ETFB: variants seen among roughly 807,000 people sequenced by gnomAD.
ETFB encodes the protein electron transfer flavoprotein subunit beta, also known as beta-ETF.
Under a neutral mutation model 25.6 loss-of-function variants are expected in ETFB, and 20 were observed. The ratio of observed to expected loss-of-function variants is 0.78; its 90% confidence interval spans 0.55 to 1.14. ETFB has a LOEUF of 1.14. ETFB is among the 50% of genes most tolerant of loss of function. The probability of loss-of-function intolerance (pLI) is 0.00; values close to 1 mark genes in which losing one functional copy is unlikely to be tolerated. For missense variants in ETFB, 286 were observed against 342.6 expected (o/e 0.83, Z 1.30); for synonymous variants, 142 against 146.7 (o/e 0.97, Z 0.23).
At chr19:51,346,794 A>T (rs1985794804) in intron 5 of ETFB, 106 bp downstream of exon 5, 1 of 1,146,504 alleles carries the variant, frequency 8.7e-7, no homozygotes, top group Non-Finnish European at 1.2e-6. Flanking sequence ...TGTGCACGAG[A>T]CCTCCTTTGG....
chr19:51,349,664 C>T (rs1398034094), intron 4 of ETFB, among the ~76,000 whole-genome samples: 2 of 151,886 alleles, frequency 1.3e-5, no homozygotes, highest in African/African-American at 2.4e-5. Context: ...AGGCTGGTCT[C>T]GAACTCCTGG....
chr19:51,358,166 C>A (rs1986128562), intron 1 of ETFB, among the ~76,000 whole-genome samples: 1 of 152,222 alleles, frequency 6.6e-6, no homozygotes, highest in East Asian at 1.9e-4. Context: ...TGGCCGCCAC[C>A]CAGGGCTTGG....
chr19:51,350,474 C>T lies in ETFB; in HGVS notation c.376-83G>A, dbSNP rs143067207. The T allele has an allele frequency of 2.4e-5, 18 of 760,944 alleles. No homozygotes were observed. The East Asian group carries it at 4.7e-4, about 20-fold the overall frequency. 47.1% of individuals were successfully genotyped at this position (760,944 alleles called of 1,614,324 possible). ...GGCCTCTGTCTAGAACAGGGGTTGG[C>T]AAACTTTTTCTTTCTTTTTTTTCTT... is the stretch of plus-strand genomic sequence containing the variant. On this transcript the variant is annotated intron_variant, in intron 3 of 5. Transcript: ENST00000309244.
chr19:51,352,019 G>C (rs900139774), intron 3 of ETFB, among the ~76,000 whole-genome samples: 6 of 151,984 alleles, frequency 3.9e-5, no homozygotes, highest in African/African-American at 1.4e-4. Context: ...CATGAGGTTT[G>C]CCCTCAAATG....
At chr19:51,359,706 G>A (rs1248279821) in intron 1 of ETFB, among the ~76,000 whole-genome samples, 1 of 152,164 alleles carries the variant, frequency 6.6e-6, no homozygotes, top group Non-Finnish European at 1.5e-5. Context: ...AGGAAACAAT[G>A]GTAGGGCTGA....
At chr19:51,354,425 G>GGCCT in intron 1 of ETFB, 117 bp from the exon 2 acceptor site, 1 of 1,613,904 alleles carries the variant, frequency 6.2e-7, no homozygotes, top group Non-Finnish European at 8.5e-7. Flanking sequence ...AAAGGGGCAG[G>GGCCT]GCCTTGTCCG....
At chr19:51,350,117 T>G in intron 4 of ETFB, 1 of 544,024 alleles carries the variant, frequency 1.8e-6, no homozygotes, top group African/African-American at 1.9e-5. Context: ...CGGGTGGGCA[T>G]GAGTATTTCA....
rs1356399010 is a variant in ETFB at position 51,350,373 on chromosome 19, TAC to T, written c.392_393del (p.Cys131Ter). On this transcript the variant is annotated frameshift_variant, in exon 4 of 6. Coordinates refer to ENST00000309244, the MANE Select transcript of ETFB (RefSeq NM_001985.3). LOFTEE classifies it high-confidence loss of function. ...CCAGCTGTCATCTGCCCTGTCTGGT[TAC>T]AGTCATCATCGATGGCCTGAATGGG... ...LLGKQAIDDD[C>X]NQTGQMTAGF... is the part of the protein sequence containing the mutation. 1 of 1,584,846 alleles carries T rather than the reference TAC, an allele frequency of 6.3e-7. No individual in the cohort carries two copies. Among genetic ancestry groups the T allele is most frequent in the Admixed American group, 1.7e-5 (1 of 59,548 alleles).
intron 1 of ETFB, chr19:51,354,851 G>C (rs1411800439): frequency 1.8e-6 from 1 of 552,930 alleles, no homozygotes; most frequent in Non-Finnish European, 3.2e-6. Context: ...TTGCGTGACT[G>C]ACAGGCTCCC....
In ETFB at chr19:51,347,077, G is replaced by A; in HGVS notation, c.439-19C>T. 1.9e-6 allele frequency: 3 copies of A among 1,613,696 alleles called. No homozygotes were observed. Among genetic ancestry groups the A allele is most frequent in the Non-Finnish European group, 2.5e-6 (3 of 1,179,884 alleles). On this transcript the variant is annotated intron_variant, in intron 4 of 5. Coordinates refer to ENST00000309244, the MANE Select transcript of ETFB (RefSeq NM_001985.3). ...ATGTGCCCTGGGGAGGGACAGTGTAGGAGGAGAGTGGGTGAGGCTAATTCA... is the reference window on the plus strand; with the variant it reads ...ATGTGCCCTGGGGAGGGACAGTGTAAGAGGAGAGTGGGTGAGGCTAATTCA...
At chr19:51,353,022 A>G in intron 3 of ETFB, 110 bp downstream of exon 3, 1 of 1,320,792 alleles carries the variant, frequency 7.6e-7, no homozygotes, top group Non-Finnish European at 1.1e-6. Context: ...CTCAGCCTGG[A>G]GTGGTGAATG....
At chr19:51,364,057 G>A (rs1378341822) in intron 1 of ETFB, among the ~76,000 whole-genome samples, 2 of 152,184 alleles carry the variant, frequency 1.3e-5, no homozygotes, top group East Asian at 1.9e-4. Flanking sequence ...CTGGGAGCAG[G>A]GGAGAGCAGG....
At chr19:51,362,384 C>A (rs1986254835) in intron 1 of ETFB, among the ~76,000 whole-genome samples, 1 of 152,064 alleles carries the variant, frequency 6.6e-6, no homozygotes, top group Non-Finnish European at 1.5e-5. Flanking sequence ...TCTAGACCAG[C>A]CTGGCTAACA....
intron 1 of ETFB, 54 bp downstream of exon 1, chr19:51,366,216 C>T (rs1986361171): frequency 6.4e-7 from 1 of 1,573,712 alleles, no homozygotes; most frequent in African/African-American, 1.3e-5. Flanking sequence ...GCTCGTGGCC[C>T]CGGAAGCACA....
At chr19:51,353,085 C>G in intron 3 of ETFB, 47 bp downstream of exon 3, 1 of 1,611,304 alleles carries the variant, frequency 6.2e-7, no homozygotes, top group Non-Finnish European at 8.5e-7. Flanking sequence ...ACCCTCCTCC[C>G]GAGCAGGGAT....
At chr19:51,346,754 C>T (rs1985793633) in intron 5 of ETFB, 146 bp downstream of exon 5, 1 of 769,884 alleles carries the variant, frequency 1.3e-6, no homozygotes, top group African/African-American at 1.7e-5. Flanking sequence ...CAAACTCTCT[C>T]TATCAGCCAA....
rs762066538 is a variant in ETFB at position 51,351,547 on chromosome 19, C to T, written c.376-1156G>A. On this transcript the variant is annotated intron_variant, in intron 3 of 5. Coordinates refer to ENST00000309244, the MANE Select transcript of ETFB (RefSeq NM_001985.3). ...CCCTGGCCCAGGACAGGTAGGACAT[C>T]GGAGTCTGAGAACGACCAGCAAATG... Among the ~76,000 whole-genome samples the T allele has an allele frequency of 1.8e-4, 28 of 152,230 alleles. No homozygotes were observed. The highest frequency in any genetic ancestry group is 4.1e-4 in the South Asian group (2 of 4,834).
intron 1 of ETFB, 78 bp downstream of exon 1, chr19:51,366,192 C>G: frequency 7.0e-7 from 1 of 1,421,140 alleles, no homozygotes; most frequent in South Asian, 1.2e-5. Flanking sequence ...CGAGAAGACC[C>G]CCACCCAGTG....
intron 1 of ETFB, chr19:51,365,472 G>T (rs11673704): frequency 0.46 from 70,723 of 152,100 alleles, 16,910 homozygotes; most frequent in Non-Finnish European, 0.52. Context: ...GGTAATGCTG[G>T]GGACACGGAG....
Sources: allele counts gnomAD v4.1 joint callset (sites outside exome capture counted in the v4.1 genomes callset), GRCh38; gene constraint gnomAD v4.1.1; transcripts MANE v1.5; gene names NCBI Gene and HGNC (gene_info 2026-07-23, HGNC 2026-07-21).